Variants in FUT9 observed in about 807,000 individuals in gnomAD.
FUT9 encodes fucosyltransferase 9.
A neutral mutation model predicts 29.7 loss-of-function variants in FUT9; 15 were observed. The observed-to-expected ratio is 0.51, with a 90% CI of 0.34 to 0.78. The LOEUF is 0.78. Among genes scored for constraint, FUT9 ranks in the 30% least tolerant of loss-of-function variants. FUT9 has a pLI of 0.01. For synonymous variants in FUT9, 169 were observed against 153.7 expected (o/e 1.10, Z -0.74); for missense variants, 319 against 425.4 (o/e 0.75, Z 2.20).
At chr6:96,020,525 T>C (rs917780030) in intron 1 of FUT9, among the ~76,000 whole-genome samples, 3 of 152,094 alleles carry the variant, frequency 2.0e-5, no homozygotes, top group African/African-American at 7.2e-5. Flanking sequence ...ACTTTTAGCT[T>C]TCTCTTCACT....
intron 2 of FUT9, among the ~76,000 whole-genome samples, chr6:96,187,720 A>G (rs1773429858): frequency 6.6e-6 from 1 of 152,170 alleles, no homozygotes; most frequent in African/African-American, 2.4e-5. Flanking sequence ...AAGTGATTAA[A>G]ATAAATATTT....
chr6:96,053,433 G>A (rs192500522), intron 1 of FUT9, among the ~76,000 whole-genome samples: 65 of 152,284 alleles, frequency 4.3e-4, no homozygotes, highest in Middle Eastern at 3.4e-3. Flanking sequence ...TATAGGCCTG[G>A]TGCAGTGGCT....
At chr6:96,125,891 A>T (rs997243805) in intron 2 of FUT9, among the ~76,000 whole-genome samples, 1 of 152,086 alleles carries the variant, frequency 6.6e-6, no homozygotes, top group Non-Finnish European at 1.5e-5. Context: ...TCATTAATTC[A>T]TGCTTCTCTT....
intron 1 of FUT9, among the ~76,000 whole-genome samples, chr6:96,102,556 T>C (rs984764046): frequency 2.6e-5 from 4 of 152,166 alleles, no homozygotes; most frequent in Admixed American, 1.3e-4. Context: ...AAATGGGCCA[T>C]GAGTTCACTT....
chr6:96,041,131 G>A lies in FUT9; in HGVS notation c.-98+24919G>A, dbSNP rs961730338. ...TCCTGTGACCCATCTTGCAAAACAC[G>A]ACTTTGTACATGTATTTACACATCA... On this transcript the variant is annotated intron_variant, in intron 1 of 2. Coordinates refer to ENST00000302103, the MANE Select transcript of FUT9 (RefSeq NM_006581.4). Among the ~76,000 whole-genome samples the A allele has an allele frequency of 3.3e-5, 5 of 151,446 alleles. 1 individual carries two copies. Among genetic ancestry groups the A allele is most frequent in the Admixed American group, 2.6e-4 (4 of 15,138 alleles).
intron 2 of FUT9, among the ~76,000 whole-genome samples, chr6:96,141,940 T>A (rs919505513): frequency 1.3e-5 from 2 of 152,182 alleles, no homozygotes; most frequent in Non-Finnish European, 2.9e-5. Context: ...TTTTATCTCT[T>A]CTCCATTTTA....
chr6:96,109,023 A>C (rs1184569956), intron 1 of FUT9, among the ~76,000 whole-genome samples: 2 of 152,224 alleles, frequency 1.3e-5, no homozygotes, highest in Non-Finnish European at 2.9e-5. Flanking sequence ...CTTAAAGACC[A>C]GTCATAAAAT....
At chr6:96,195,245 G>A (rs1319443477) in intron 2 of FUT9, among the ~76,000 whole-genome samples, 2 of 152,172 alleles carry the variant, frequency 1.3e-5, no homozygotes, top group East Asian at 3.9e-4. Flanking sequence ...CAAACCCACT[G>A]CAGAAATGAA....
chr6:96,196,116 C>T (rs17056399), intron 2 of FUT9, among the ~76,000 whole-genome samples: 1 of 151,974 alleles, frequency 6.6e-6, no homozygotes, highest in Non-Finnish European at 1.5e-5. Flanking sequence ...GACGGGGAAG[C>T]GATTGCCAGT....
At chr6:96,145,798 C>T (rs2127974784) in intron 2 of FUT9, among the ~76,000 whole-genome samples, 1 of 152,164 alleles carries the variant, frequency 6.6e-6, no homozygotes, top group East Asian at 1.9e-4. Context: ...GGGGAGAAGG[C>T]CTTCACAGGT....
At chr6:96,071,412 TA>T in intron 1 of FUT9, among the ~76,000 whole-genome samples, 1 of 152,306 alleles carries the variant, frequency 6.6e-6, no homozygotes, top group East Asian at 1.9e-4. Context: ...ATGCAAAAAT[TA>T]AGAATTTATA....
chr6:96,091,808 G>C (rs1562121738), intron 1 of FUT9, among the ~76,000 whole-genome samples: 1 of 152,036 alleles, frequency 6.6e-6, no homozygotes, highest in Non-Finnish European at 1.5e-5. Flanking sequence ...TAAAAAGTTG[G>C]TAAGGAGGGG....
intron 1 of FUT9, among the ~76,000 whole-genome samples, chr6:96,096,227 C>T (rs1352386377): frequency 6.6e-6 from 1 of 152,104 alleles, no homozygotes; most frequent in East Asian, 1.9e-4. Flanking sequence ...TGATTCCTTT[C>T]TCTCAGACCA....
chr6:96,173,628 G>A (rs1773152646), intron 2 of FUT9, among the ~76,000 whole-genome samples: 1 of 151,814 alleles, frequency 6.6e-6, no homozygotes, highest in South Asian at 2.1e-4. Context: ...AAAAACTGGT[G>A]ACTATTTTAT....
rs554475112 is a variant in FUT9 at position 96,215,221 on chromosome 6, G to A, written c.*10986G>A. The A allele has an allele frequency of 2.4e-5, 4 of 167,062 alleles. No individual in the cohort carries two copies. Among genetic ancestry groups the A allele is most frequent in the South Asian group, 2.1e-4 (1 of 4,818 alleles). The allele number at this position is 167,062 out of a possible 1,614,324, so 10.3% of individuals were successfully genotyped here. ...GTATATTCAGCTATTTGGAGAACTCGTGTTTTCCACAAATTAAACTGGAGA... is the reference window on the plus strand; with the variant it reads ...GTATATTCAGCTATTTGGAGAACTCATGTTTTCCACAAATTAAACTGGAGA... On this transcript the variant is annotated 3_prime_UTR_variant, in exon 3 of 3. Transcript: ENST00000302103.
At chr6:96,017,661 A>C (rs1480763062) in intron 1 of FUT9, among the ~76,000 whole-genome samples, 3 of 152,208 alleles carry the variant, frequency 2.0e-5, no homozygotes, top group Admixed American at 6.5e-5. Flanking sequence ...TGTTCTAAGC[A>C]ATACGGATAA....
At chr6:96,199,297 AG>A (rs1773686453) in intron 2 of FUT9, among the ~76,000 whole-genome samples, 1 of 152,142 alleles carries the variant, frequency 6.6e-6, no homozygotes, top group African/African-American at 2.4e-5. Flanking sequence ...GATTCTGTCA[AG>A]GAGATGTCAA....
intron 1 of FUT9, among the ~76,000 whole-genome samples, chr6:96,076,495 C>T (rs1771144135): frequency 6.6e-6 from 1 of 151,988 alleles, no homozygotes; most frequent in Admixed American, 6.6e-5. Flanking sequence ...ATATTTAGGC[C>T]CATTAAAATA....
Position 96,206,121 on chromosome 6 carries a change from C to T in FUT9, c.*1886C>T, listed in dbSNP as rs1018671517. 3 of 166,930 alleles carry T rather than the reference C, an allele frequency of 1.8e-5. No individual in the cohort carries two copies. Among genetic ancestry groups the T allele is most frequent in the South Asian group, 4.1e-4 (2 of 4,824 alleles). 10.3% of individuals were successfully genotyped at this position (166,930 alleles called of 1,614,324 possible). On this transcript the variant is annotated 3_prime_UTR_variant, in exon 3 of 3. Transcript: ENST00000302103. ...TATATGCATGTGCTACTCCGAATGA[C>T]GTTTGTATGGGTCAATGCTGATTTA... is the stretch of plus-strand genomic sequence containing the variant.
Sources: gnomAD v4.1 joint callset for allele counts (sites outside exome capture counted in the v4.1 genomes callset) on GRCh38, gnomAD v4.1.1 for gene constraint, MANE v1.5 for transcripts, NCBI Gene and HGNC (gene_info 2026-07-23, HGNC 2026-07-21) for gene names.